Variants in STPG2 observed in about 807,000 individuals in gnomAD.
STPG2 encodes the protein sperm-tail PG-rich repeat-containing protein 2.
In STPG2, 56 loss-of-function variants were observed where a neutral mutation model predicts 54.2. The ratio of observed to expected loss-of-function variants is 1.03; its 90% CI spans 0.83 to 1.29. The LOEUF is 1.29. STPG2 is among the 50% of genes most tolerant of loss of function. The pLI, the probability that STPG2 is intolerant of heterozygous loss-of-function variation, is 0.00. For synonymous variants in STPG2, 200 were observed against 181.8 expected, an observed-to-expected ratio of 1.10 and a Z score of -0.81; for missense variants, 596 against 544.9, an observed-to-expected ratio of 1.09 and a Z score of -0.93.
chr4:97,688,332 G>A (rs1486193007), intron 10 of STPG2, among the ~76,000 whole-genome samples: 1 of 152,064 alleles, frequency 6.6e-6, no homozygotes, highest in Non-Finnish European at 1.5e-5. Flanking sequence ...AAACAATTCA[G>A]AGTTTTTTGA....
intron 10 of STPG2, among the ~76,000 whole-genome samples, chr4:97,680,876 TC>T (rs1723011619): frequency 6.6e-6 from 1 of 152,022 alleles, no homozygotes; most frequent in East Asian, 1.9e-4. Context: ...CTTCTTCCCC[TC>T]CAAGATTATA....
intron 1 of STPG2, among the ~76,000 whole-genome samples, chr4:98,134,743 G>T (rs1334993687): frequency 1.3e-5 from 2 of 150,586 alleles, no homozygotes; most frequent in Non-Finnish European, 3.0e-5. Flanking sequence ...CTTTTGGTGG[G>T]GATGAAAATG....
At chr4:97,758,332 T>C (rs1005243823) in intron 9 of STPG2, among the ~76,000 whole-genome samples, 18 of 152,186 alleles carry the variant, frequency 1.2e-4, no homozygotes, top group African/African-American at 4.1e-4. Flanking sequence ...TGTATGTTTA[T>C]TGCAGCACTA....
chr4:98,004,934 T>C (rs980737289), intron 5 of STPG2, among the ~76,000 whole-genome samples: 2 of 151,026 alleles, frequency 1.3e-5, no homozygotes, highest in Non-Finnish European at 2.9e-5. Flanking sequence ...ATTTTGTAGG[T>C]TGTCCCTTCA....
intron 5 of STPG2, among the ~76,000 whole-genome samples, chr4:98,084,888 T>C (rs1238683938): frequency 2.0e-5 from 3 of 152,144 alleles, no homozygotes; most frequent in Non-Finnish European, 4.4e-5. Flanking sequence ...CAATATTGTC[T>C]CCCAGTCTTG....
At chr4:97,891,474 A>G (rs992235858) in intron 8 of STPG2, among the ~76,000 whole-genome samples, 4 of 152,078 alleles carry the variant, frequency 2.6e-5, no homozygotes, top group African/African-American at 9.7e-5. Flanking sequence ...AGCTTTATTT[A>G]CCAAAGCAGG....
chr4:97,624,748 T>C (rs1734097024), intron 10 of STPG2, among the ~76,000 whole-genome samples: 1 of 152,196 alleles, frequency 6.6e-6, no homozygotes, highest in Non-Finnish European at 1.5e-5. Flanking sequence ...GCTTTTATAG[T>C]TTTGGATGTT....
chr4:97,852,951 T>C (rs1407897289), intron 8 of STPG2, among the ~76,000 whole-genome samples: 1 of 148,924 alleles, frequency 6.7e-6, no homozygotes, highest in Admixed American at 6.8e-5. Context: ...AATGTTCCTA[T>C]AAATTAACAT....
rs566690182 is a variant in STPG2 at position 98,121,725 on chromosome 4, T to G, written c.387+6703A>C. ...GGTGTATAGGAATGCCTGTGATTTT[T>G]TTTGTGTGTGTGTGTGTGACAGAGT... On this transcript the variant is annotated intron_variant, in intron 3 of 10. Transcript: ENST00000295268. Among the ~76,000 whole-genome samples the G allele has an allele frequency of 5.1e-4, 77 of 151,488 alleles. 1 individual carries two copies. In the Middle Eastern group the frequency reaches 0.01, roughly 20 times the overall value.
chr4:97,692,868 C>T (rs753861655), intron 10 of STPG2, among the ~76,000 whole-genome samples: 16 of 152,204 alleles, frequency 1.1e-4, no homozygotes, highest in South Asian at 4.1e-4. Flanking sequence ...ATCCTACAAG[C>T]GAGGAGGGAT....
chr4:97,493,524 A>C (rs1030847816), intron 4 of STPG2, among the ~76,000 whole-genome samples: 1 of 151,482 alleles, frequency 6.6e-6, no homozygotes, highest in Non-Finnish European at 1.5e-5. Context: ...CAACAGATAA[A>C]ATTATAGAAA....
At chr4:97,472,908 T>C (rs936489848) in intron 4 of STPG2, among the ~76,000 whole-genome samples, 1 of 152,316 alleles carries the variant, frequency 6.6e-6, no homozygotes, top group South Asian at 2.1e-4. Context: ...TTCATGGACA[T>C]TTATTAGTTC....
chr4:97,468,244 C>T (rs1049178118), intron 4 of STPG2, among the ~76,000 whole-genome samples: 4 of 151,862 alleles, frequency 2.6e-5, no homozygotes, highest in African/African-American at 7.2e-5. Context: ...TCGTGCATTA[C>T]GTTTTATTAA....
chr4:97,969,420 T>C (rs1331568732), intron 7 of STPG2, among the ~76,000 whole-genome samples: 2 of 152,160 alleles, frequency 1.3e-5, no homozygotes, highest in Admixed American at 6.6e-5. Flanking sequence ...AACCTACCCC[T>C]GCCCTCACTA....
At chr4:97,626,566 C>T (rs1508474) in intron 10 of STPG2, among the ~76,000 whole-genome samples, 147,100 of 152,192 alleles carry the variant, frequency 0.97, 71,132 homozygotes, top group Middle Eastern at 1. Flanking sequence ...TCACTCATTT[C>T]GGAATTTGAA....
chr4:97,571,742 T>A (rs1009068476), intron 10 of STPG2, among the ~76,000 whole-genome samples: 5 of 152,164 alleles, frequency 3.3e-5, no homozygotes, highest in Non-Finnish European at 5.9e-5. Flanking sequence ...CAAACCAAGC[T>A]GCGCCCCGAC....
At chr4:98,082,158 A>T (rs969369002) in intron 5 of STPG2, among the ~76,000 whole-genome samples, 4 of 152,038 alleles carry the variant, frequency 2.6e-5, no homozygotes, top group African/African-American at 9.7e-5. Flanking sequence ...TGCCTCAGGG[A>T]ATTTCTCTAG....
At chr4:97,529,911 A>G (rs1731376619) in intron 4 of STPG2, among the ~76,000 whole-genome samples, 1 of 152,010 alleles carries the variant, frequency 6.6e-6, no homozygotes, top group Non-Finnish European at 1.5e-5. Context: ...AGTAGCTGCT[A>G]TTATGTCATT....
At chr4:98,020,669 G>A (rs1465586002) in intron 5 of STPG2, among the ~76,000 whole-genome samples, 7 of 152,096 alleles carry the variant, frequency 4.6e-5, no homozygotes, top group Non-Finnish European at 8.8e-5. Flanking sequence ...TGGTTGGTAA[G>A]CTACTGATTA....
Sources: gnomAD v4.1 joint callset for allele counts (sites outside exome capture counted in the v4.1 genomes callset) on GRCh38, gnomAD v4.1.1 for gene constraint, MANE v1.5 for transcripts, NCBI Gene and HGNC (gene_info 2026-07-23, HGNC 2026-07-21) for gene names.